Variants in RPIA observed in about 807,000 individuals in gnomAD.
RPIA encodes ribose-5-phosphate isomerase.
In RPIA, 29 loss-of-function variants were observed where a neutral mutation model predicts 37.8. That is an observed-to-expected ratio of 0.77 (90% CI 0.57 to 1.05). The LOEUF is 1.05. RPIA is among the 50% of genes least tolerant of loss of function. The pLI, the probability that RPIA is intolerant of heterozygous loss-of-function variation, is 0.00. For missense variants in RPIA, 385 were observed against 413.6 expected (o/e 0.93, Z 0.60); for synonymous variants, 167 against 157.0 (o/e 1.06, Z -0.48).
At chr2:88,717,269 C>T (rs1364059998) in intron 3 of RPIA, among the ~76,000 whole-genome samples, 1 of 152,046 alleles carries the variant, frequency 6.6e-6, no homozygotes, top group Admixed American at 6.6e-5. Context: ...TTTATATTGC[C>T]AAAGTTGAGG....
chr2:88,703,301 C>T (rs1390530754), intron 3 of RPIA, among the ~76,000 whole-genome samples: 2 of 152,236 alleles, frequency 1.3e-5, no homozygotes, highest in African/African-American at 4.8e-5. Flanking sequence ...TGTGCAGGGG[C>T]TCCAACCCCA....
intron 2 of RPIA, among the ~76,000 whole-genome samples, chr2:88,699,400 CT>C (rs902822431): frequency 6.1e-3 from 866 of 141,526 alleles, no homozygotes; most frequent in Middle Eastern, 7.4e-3. Context: ...TTCCTGAAGT[CT>C]TTTTTTTTTT....
At chr2:88,729,228 G>C (rs1187229014) in intron 3 of RPIA, 50 bp from the exon 4 acceptor site, 10 of 1,586,526 alleles carry the variant, frequency 6.3e-6, no homozygotes, top group Non-Finnish European at 8.7e-6. Flanking sequence ...GAGAATCCTT[G>C]TCATGAACTC....
At chr2:88,702,406 G>A (rs1249892144) in intron 3 of RPIA, among the ~76,000 whole-genome samples, 1 of 152,216 alleles carries the variant, frequency 6.6e-6, no homozygotes, top group Non-Finnish European at 1.5e-5. Flanking sequence ...ACAAAAGAAT[G>A]AGGTTTAATT....
rs1676936047 is a variant in RPIA at position 88,691,764 on chromosome 2, CG to C, written c.71del (p.Gly24AlafsTer71). Reference sequence around the variant, plus strand: ...TCTTGGCCCCGCTGCCCGGGAGGGCCGGGGGCGCGGCCTCCGGCGGAGGAGG... The same window carrying C: ...TCTTGGCCCCGCTGCCCGGGAGGGCCGGGGCGCGGCCTCCGGCGGAGGAGG... ...RVLAPLPGRAGGAASGGGGNS... is the reference protein window; with the variant it reads ...RVLAPLPGRAXGAASGGGGNS... On this transcript the variant is annotated frameshift_variant, in exon 1 of 9. Coordinates refer to ENST00000283646, the MANE Select transcript of RPIA (RefSeq NM_144563.3). LOFTEE classifies it high-confidence loss of function. 7 of 1,593,250 alleles carry C rather than the reference CG, an allele frequency of 4.4e-6. No homozygotes were observed. In the South Asian group the frequency reaches 5.6e-5, roughly 13 times the overall value.
chr2:88,747,816 T>C (rs1232676068), intron 8 of RPIA, among the ~76,000 whole-genome samples: 2 of 152,218 alleles, frequency 1.3e-5, no homozygotes, highest in Non-Finnish European at 2.9e-5. Flanking sequence ...CACAGTTTTT[T>C]GGCTGTCTTA....
intron 3 of RPIA, among the ~76,000 whole-genome samples, chr2:88,704,355 G>C (rs1236288549): frequency 1.3e-5 from 2 of 152,144 alleles, no homozygotes; most frequent in African/African-American, 4.8e-5. Flanking sequence ...CACGTGGCTG[G>C]GGAAGCCTCA....
intron 3 of RPIA, among the ~76,000 whole-genome samples, chr2:88,727,073 T>TTGTG (rs1176540040): frequency 3.3e-5 from 5 of 149,696 alleles, no homozygotes; most frequent in African/African-American, 1.0e-4. Context: ...TTAATATCTC[T>TTGTG]TGTGTGCGTG....
At chr2:88,707,602 C>G (rs540802439) in intron 3 of RPIA, among the ~76,000 whole-genome samples, 1 of 152,294 alleles carries the variant, frequency 6.6e-6, no homozygotes, top group African/African-American at 2.4e-5. Flanking sequence ...CAAGTATCCT[C>G]TGGTGGTACT....
At chr2:88,732,953 A>G (rs1323525409) in intron 4 of RPIA, among the ~76,000 whole-genome samples, 3 of 152,212 alleles carry the variant, frequency 2.0e-5, no homozygotes, top group Non-Finnish European at 2.9e-5. Flanking sequence ...TCTTGAAGAT[A>G]GGATACCACA....
chr2:88,712,300 CAT>C (rs1328482052), intron 3 of RPIA, among the ~76,000 whole-genome samples: 3 of 152,216 alleles, frequency 2.0e-5, no homozygotes, highest in Non-Finnish European at 2.9e-5. Context: ...ACAATCAGCA[CAT>C]GTTAGTGAAA....
At chr2:88,716,030 A>G (rs1673031546) in intron 3 of RPIA, among the ~76,000 whole-genome samples, 1 of 152,144 alleles carries the variant, frequency 6.6e-6, no homozygotes, top group Non-Finnish European at 1.5e-5. Context: ...TTTGCCCACA[A>G]GGAACTTCCT....
At chr2:88,749,386 A>T (rs992399645) in intron 8 of RPIA, among the ~76,000 whole-genome samples, 8 of 152,038 alleles carry the variant, frequency 5.3e-5, no homozygotes, top group Non-Finnish European at 1.0e-4. Context: ...TTTATTGGCC[A>T]TTTTGGGTAG....
chr2:88,713,120 ATT>A (rs1553420200), intron 3 of RPIA, among the ~76,000 whole-genome samples: 3 of 65,292 alleles, frequency 4.6e-5, no homozygotes, highest in Non-Finnish European at 7.6e-5. Context: ...ATATATATAT[ATT>A]TTTTTTTTTT....
intron 3 of RPIA, among the ~76,000 whole-genome samples, chr2:88,728,665 C>T (rs1008471344): frequency 6.6e-6 from 1 of 152,142 alleles, no homozygotes; most frequent in Non-Finnish European, 1.5e-5. Flanking sequence ...CTTTTGTCAC[C>T]TTTTTAAGAA....
intron 1 of RPIA, among the ~76,000 whole-genome samples, chr2:88,693,818 A>G (rs570654551): frequency 1.3e-5 from 2 of 152,338 alleles, no homozygotes; most frequent in South Asian, 4.2e-4. Flanking sequence ...AGTGGATGGA[A>G]AACATGGAGA....
At chr2:88,693,302 C>T (rs1212225651) in intron 1 of RPIA, among the ~76,000 whole-genome samples, 1 of 152,206 alleles carries the variant, frequency 6.6e-6, no homozygotes, top group Non-Finnish European at 1.5e-5. Flanking sequence ...AAATAAAAAT[C>T]TGCAAGCCCT....
intron 5 of RPIA, among the ~76,000 whole-genome samples, chr2:88,735,283 C>A (rs1673301256): frequency 6.6e-6 from 1 of 152,222 alleles, no homozygotes; most frequent in Non-Finnish European, 1.5e-5. Flanking sequence ...GCTCTCTCCA[C>A]TTCATCACCC....
In RPIA at chr2:88,750,518, C is replaced by T; in HGVS notation, c.*440C>T. 1 of 418,480 alleles carries T rather than the reference C, an allele frequency of 2.4e-6. No homozygotes were observed. The allele number at this position is 418,480 out of a possible 1,614,324, so 25.9% of individuals were successfully genotyped here. A position where few individuals can be genotyped will look rare whatever the true frequency, so the allele number is the denominator to read the frequency against. ...TGATCTCCTGATGCCTTACTGGAAA[C>T]TTTGTTTACTTGTCTGCTACCCTCT... On this transcript the variant is annotated 3_prime_UTR_variant, in exon 9 of 9. Coordinates refer to ENST00000283646, the MANE Select transcript of RPIA (RefSeq NM_144563.3).
Sources: allele counts gnomAD v4.1 joint callset (sites outside exome capture counted in the v4.1 genomes callset), GRCh38; gene constraint gnomAD v4.1.1; transcripts MANE v1.5; gene names NCBI Gene and HGNC (gene_info 2026-07-23, HGNC 2026-07-21).